FRMD5: variants seen among roughly 807,000 people sequenced by gnomAD.
The protein encoded by FRMD5 is FERM domain-containing protein 5.
Under a neutral mutation model 69.0 loss-of-function variants are expected in FRMD5, and 20 were observed. The observed-to-expected ratio is 0.29, with a 90% CI of 0.20 to 0.42. FRMD5 has a LOEUF of 0.42. FRMD5 is among the 10% of genes least tolerant of loss of function. The pLI is 1.00. For missense variants in FRMD5, 595 were observed against 708.6 expected, an observed-to-expected ratio of 0.84 and a Z score of 1.82; for synonymous variants, 271 against 260.1, an observed-to-expected ratio of 1.04 and a Z score of -0.40.
chr15:43,987,673 C>A (rs1048254253), intron 1 of FRMD5, among the ~76,000 whole-genome samples: 31 of 152,100 alleles, frequency 2.0e-4, no homozygotes, highest in African/African-American at 7.5e-4. Flanking sequence ...CCTCAGCCTC[C>A]CAAGTAGCTG....
intron 1 of FRMD5, among the ~76,000 whole-genome samples, chr15:44,183,588 G>T (rs1266123462): frequency 6.6e-6 from 1 of 152,166 alleles, no homozygotes; most frequent in Non-Finnish European, 1.5e-5. Context: ...ATGACTCATT[G>T]ATTGTTGAAT....
At chr15:44,151,839 A>T (rs1281576688) in intron 1 of FRMD5, among the ~76,000 whole-genome samples, 4 of 152,230 alleles carry the variant, frequency 2.6e-5, no homozygotes, top group African/African-American at 9.6e-5. Context: ...TATAAATCAC[A>T]TATCTGATAA....
At chr15:43,875,563 T>C (rs960301451) in intron 13 of FRMD5, among the ~76,000 whole-genome samples, 2 of 151,200 alleles carry the variant, frequency 1.3e-5, no homozygotes, top group African/African-American at 4.9e-5. Flanking sequence ...CTACAACTTC[T>C]GCCTCCCGGG....
At chr15:44,003,708 C>T (rs1484776919) in intron 1 of FRMD5, among the ~76,000 whole-genome samples, 4 of 152,206 alleles carry the variant, frequency 2.6e-5, no homozygotes, top group African/African-American at 9.6e-5. Flanking sequence ...GTATTTGATA[C>T]GTATACTTGA....
At chr15:43,939,593 T>C (rs1471179091) in intron 1 of FRMD5, among the ~76,000 whole-genome samples, 3 of 152,118 alleles carry the variant, frequency 2.0e-5, no homozygotes, top group Admixed American at 6.5e-5. Context: ...GTTCTCACTC[T>C]GTCACCCAGG....
chr15:44,081,211 C>T (rs1186307917), intron 1 of FRMD5, among the ~76,000 whole-genome samples: 1 of 152,082 alleles, frequency 6.6e-6, no homozygotes, highest in Non-Finnish European at 1.5e-5. Context: ...CATTACACTC[C>T]ATAGCCCTTC....
intron 1 of FRMD5, among the ~76,000 whole-genome samples, chr15:43,990,719 A>G (rs1224576023): frequency 6.6e-6 from 1 of 152,258 alleles, no homozygotes; most frequent in Admixed American, 6.5e-5. Flanking sequence ...AAAGATTGCC[A>G]TGGAAAATGA....
At chr15:44,175,965 T>C (rs1315931604) in intron 1 of FRMD5, among the ~76,000 whole-genome samples, 1 of 152,192 alleles carries the variant, frequency 6.6e-6, no homozygotes, top group Non-Finnish European at 1.5e-5. Flanking sequence ...AATTGCTGAA[T>C]TGATCAACAG....
intron 1 of FRMD5, among the ~76,000 whole-genome samples, chr15:43,926,901 C>T (rs1451494285): frequency 2.0e-5 from 3 of 146,850 alleles, no homozygotes; most frequent in African/African-American, 7.7e-5. Context: ...ACTATAAACT[C>T]GTTAACATAC....
intron 1 of FRMD5, among the ~76,000 whole-genome samples, chr15:44,102,079 G>GCA (rs1337073305): frequency 6.6e-6 from 1 of 152,148 alleles, no homozygotes; most frequent in Non-Finnish European, 1.5e-5. Context: ...TCCATTCTTT[G>GCA]CATACCTTTA....
intron 2 of FRMD5, among the ~76,000 whole-genome samples, chr15:43,920,270 C>T (rs935698487): frequency 2.6e-5 from 4 of 152,002 alleles, no homozygotes; most frequent in Non-Finnish European, 5.9e-5. Context: ...TTGGTAGCAA[C>T]TCTAGAAAGT....
At chr15:43,993,681 C>T (rs998296888) in intron 1 of FRMD5, among the ~76,000 whole-genome samples, 2 of 152,098 alleles carry the variant, frequency 1.3e-5, no homozygotes, top group African/African-American at 4.8e-5. Flanking sequence ...AGTTGGGTAT[C>T]AAAGTCCCCT....
At chr15:43,876,190 A>G (rs1213910376) in intron 13 of FRMD5, 1 of 1,601,076 alleles carries the variant, frequency 6.2e-7, no homozygotes, top group Non-Finnish European at 8.5e-7. Context: ...TCACTCCCAG[A>G]GGCTGCACCC....
chr15:43,880,898 G>A (rs1245141351), intron 13 of FRMD5, among the ~76,000 whole-genome samples: 2 of 152,214 alleles, frequency 1.3e-5, no homozygotes, highest in Non-Finnish European at 2.9e-5. Context: ...CTGCTGCAAT[G>A]GGAGGAGGAG....
At chr15:44,002,490 G>T (rs942075367) in intron 1 of FRMD5, among the ~76,000 whole-genome samples, 1 of 151,962 alleles carries the variant, frequency 6.6e-6, no homozygotes, top group African/African-American at 2.4e-5. Flanking sequence ...TGTGAGCATC[G>T]GCGGACTCAC....
chr15:43,876,158 T>C (rs539322559), intron 13 of FRMD5: 9 of 1,592,160 alleles, frequency 5.7e-6, no homozygotes, highest in Middle Eastern at 2.2e-4. Context: ...CTTTGGGACC[T>C]TGAGCCTTCT....
At chr15:43,951,245 C>A (rs1449738062) in intron 1 of FRMD5, among the ~76,000 whole-genome samples, 1 of 151,630 alleles carries the variant, frequency 6.6e-6, no homozygotes, top group Non-Finnish European at 1.5e-5. Flanking sequence ...ACGGTGAAAC[C>A]CTGTCTGTAC....
chr15:43,875,363 A>AAAAAAT (rs1366807150), intron 13 of FRMD5, among the ~76,000 whole-genome samples: 17 of 105,322 alleles, frequency 1.6e-4, no homozygotes, highest in African/African-American at 4.0e-4. Flanking sequence ...AAAAAAAAAA[A>AAAAAAT]ATATATATAT....
chr15:44,195,033 C>G lies in FRMD5; in HGVS notation c.22G>C (p.Gly8Arg), dbSNP rs1341258258. 6.4e-7 allele frequency: 1 copy of G among 1,552,138 alleles called. No homozygotes were observed. Among genetic ancestry groups the G allele is most frequent in the Non-Finnish European group, 8.7e-7 (1 of 1,154,092 alleles). ...TCGCGCTCCAGGCTCCTGCTGCTGCCGCTCATCAACCTGCTCAGCATCTTC... is the reference window on the plus strand; with the variant it reads ...TCGCGCTCCAGGCTCCTGCTGCTGCGGCTCATCAACCTGCTCAGCATCTTC... MLSRLMS[G>R]SSRSLEREYS... Residue 8 changes from glycine to arginine, a missense_variant, in exon 1 of 14, where the codon GGC becomes CGC. Coordinates refer to ENST00000417257, the MANE Select transcript of FRMD5 (RefSeq NM_032892.5).
Sources: allele counts gnomAD v4.1 joint callset (sites outside exome capture counted in the v4.1 genomes callset), GRCh38; gene constraint gnomAD v4.1.1; transcripts MANE v1.5; gene names NCBI Gene and HGNC (gene_info 2026-07-23, HGNC 2026-07-21).